Variants in TOP3B observed in about 807,000 individuals in gnomAD.
TOP3B encodes the protein DNA topoisomerase 3-beta-1.
Under a neutral mutation model 93.9 loss-of-function variants are expected in TOP3B, and 45 were observed. The observed-to-expected ratio is 0.48, with a 90% confidence interval of 0.38 to 0.61. TOP3B has a LOEUF of 0.61. TOP3B is among the 20% of genes least tolerant of loss of function. The pLI, the probability that TOP3B is intolerant of heterozygous loss-of-function variation, is 0.00. For synonymous variants in TOP3B, 357 were observed against 472.6 expected, an observed-to-expected ratio of 0.76 and a Z score of 3.17; for missense variants, 750 against 1,156.1, an observed-to-expected ratio of 0.65 and a Z score of 5.09.
intron 16 of TOP3B, 41 bp from the exon 17 acceptor site, chr22:21,958,734 C>T (rs2071037461): frequency 6.4e-7 from 1 of 1,550,440 alleles, no homozygotes; most frequent in African/African-American, 1.4e-5. Context: ...GTCACTGGGG[C>T]CACCGACTTG....
At chr22:21,966,055 C>T (rs999336192) in intron 8 of TOP3B, 1 of 152,126 alleles carries the variant, frequency 6.6e-6, no homozygotes, top group African/African-American at 2.4e-5. Context: ...TCATGTCTGA[C>T]CAATTTTTTT....
At position 21,971,841 on chromosome 22, in the gene TOP3B, G is replaced by GCC; in HGVS notation, c.384+34_384+35dup. The GCC allele has an allele frequency of 6.2e-7, 1 of 1,607,946 alleles. No homozygotes were observed. Among genetic ancestry groups the GCC allele is most frequent in the East Asian group, 2.2e-5 (1 of 44,830 alleles). ...TCAGTTTGGGGCTGGTGTCAGAAAG[G>GCC]CCAAAAGTGAGGAACAAAGTGAGCC... On this transcript the variant is annotated intron_variant, in intron 5 of 17. Transcript: ENST00000357179. The surrounding 1 kb of genome is among the most constrained non-coding windows in gnomAD (Gnocchi z 4.6).
At chr22:21,974,975 C>T (rs2071803307) in intron 2 of TOP3B, 1 of 154,168 alleles carries the variant, frequency 6.5e-6, no homozygotes, top group Non-Finnish European at 1.4e-5. Flanking sequence ...CCCTGCGGAC[C>T]ATGCCTTCTC....
intron 6 of TOP3B, 95 bp from the exon 7 acceptor site, chr22:21,968,870 T>C (rs1406641943): frequency 2.1e-6 from 3 of 1,405,856 alleles, no homozygotes; most frequent in Non-Finnish European, 3.0e-6. Flanking sequence ...GGGTGGTGCA[T>C]GAAGGAGGTG....
At chr22:21,972,556 C>T in intron 4 of TOP3B, 56 bp downstream of exon 4, 2 of 1,338,964 alleles carry the variant, frequency 1.5e-6, no homozygotes, top group Non-Finnish European at 2.1e-6. Context: ...AAAGACATGG[C>T]AGCTGTGGAG....
intron 1 of TOP3B, among the ~76,000 whole-genome samples, chr22:21,981,932 G>C (rs555753340): frequency 1.4e-4 from 21 of 152,282 alleles, no homozygotes; most frequent in African/African-American, 4.3e-4. Context: ...GGAAAAGAGG[G>C]AAACAACCAT....
rs572093445 is a variant in TOP3B at position 21,962,351 on chromosome 22, G to A, written c.1525+78C>T. 109 of 1,604,886 alleles carry A rather than the reference G, an allele frequency of 6.8e-5. 1 individual carries two copies. In the African/African-American group the frequency reaches 1.2e-3, roughly 17 times the overall value. On this transcript the variant is annotated intron_variant, in intron 13 of 17. Transcript: ENST00000357179. ...GCTGGGCTGGGCACACAGGGCTGGC[G>A]GGGCAGCTTTGTGAGTAGACTCGAA...
Position 21,975,845 on chromosome 22 carries a change from T to C in TOP3B, c.-98-38A>G, listed in dbSNP as rs1321431607. ...AAAGACACTCAGGATAGCAATGCTG[T>C]CAATAGAACCTACACCACTACAAGG... On this transcript the variant is annotated intron_variant, in intron 1 of 17. Transcript: ENST00000357179. 4.8e-6 allele frequency: 6 copies of C among 1,260,198 alleles called. No homozygotes were observed. In the African/African-American group the frequency reaches 7.6e-5, roughly 16 times the overall value. The allele number at this position is 1,260,198 out of a possible 1,614,324, so 78.1% of individuals were successfully genotyped here.
chr22:21,979,846 CAGG>C (rs2084583905), intron 1 of TOP3B, among the ~76,000 whole-genome samples: 1 of 144,846 alleles, frequency 6.9e-6, no homozygotes, highest in Admixed American at 7.2e-5. Flanking sequence ...GAGGCTGAGG[CAGG>C]AGAATGGTGT....
chr22:21,958,296 C>G (rs867118), intron 17 of TOP3B, 196 bp downstream of exon 17: 161,585 of 1,428,980 alleles, frequency 0.11, 9,052 homozygotes, highest in African/African-American at 0.14. Flanking sequence ...GATTCTGACA[C>G]AGAGAGAGGG....
chr22:21,959,458 C>A, intron 15 of TOP3B, 129 bp downstream of exon 15: 2 of 1,510,614 alleles, frequency 1.3e-6, no homozygotes, highest in Non-Finnish European at 1.8e-6. Context: ...GTGTCACTGA[C>A]CTGGCCTACG....
At chr22:21,958,306 G>C in intron 17 of TOP3B, 186 bp downstream of exon 17, 1 of 1,442,824 alleles carries the variant, frequency 6.9e-7, no homozygotes, top group Admixed American at 2.6e-5. Flanking sequence ...CAGAGAGAGG[G>C]TGGCACCACT....
intron 8 of TOP3B, chr22:21,967,386 G>T: frequency 1.8e-6 from 1 of 554,874 alleles, no homozygotes. Flanking sequence ...TGCCTGGTAT[G>T]GAGCGGGCAT....
At chr22:21,961,923 C>A in intron 13 of TOP3B, 1 of 265,160 alleles carries the variant, frequency 3.8e-6, no homozygotes, top group Non-Finnish European at 7.0e-6. Flanking sequence ...TACACTTTTG[C>A]TTTGATAAAC....
Position 21,959,664 on chromosome 22 carries a change from G to A in TOP3B, c.1727C>T (p.Ala576Val). ...GTGGCCCAGGACCTGGCGGTAGTCG[G>A]CCTTGCCCTGGGCGATCAGGTTCAG... Reference protein sequence around the residue: ...KQLNLIAQGKADYRQVLGHTL... With the variant: ...KQLNLIAQGKVDYRQVLGHTL... Residue 576 changes from alanine to valine, a missense_variant, in exon 15 of 18, where the codon GCC becomes GTC. Physicochemically the swap from Ala to Val is moderately conservative, Grantham distance 64. Around this residue, in one of 4 missense-constraint regions of TOP3B, gnomAD observed 737 missense variants for 933.7 expected, o/e 0.79. Coordinates refer to ENST00000357179, the MANE Select transcript of TOP3B (RefSeq NM_001282112.2). 1 of 1,613,750 alleles carries A rather than the reference G, an allele frequency of 6.2e-7. No homozygotes were observed. Among genetic ancestry groups the A allele is most frequent in the Non-Finnish European group, 8.5e-7 (1 of 1,179,940 alleles).
chr22:21,958,054 T>C, intron 17 of TOP3B: 1 of 1,294,034 alleles, frequency 7.7e-7, no homozygotes, highest in South Asian at 1.3e-5. Flanking sequence ...GATGCCTCAC[T>C]CCCGCTGATT....
Position 21,960,234 on chromosome 22 carries a change from G to A in TOP3B, c.1654+87C>T, listed in dbSNP as rs1197491723. 6 of 1,583,696 alleles carry A rather than the reference G, an allele frequency of 3.8e-6. No homozygotes were observed. In the East Asian group the frequency reaches 1.1e-4, roughly 30 times the overall value. ...GCTGGGGGATCACTGTAGGGCAGGGGCCTGTCTGGAGCGGGCAGCAGAGCC... is the reference window on the plus strand; with the variant it reads ...GCTGGGGGATCACTGTAGGGCAGGGACCTGTCTGGAGCGGGCAGCAGAGCC... On this transcript the variant is annotated intron_variant, in intron 14 of 17. Coordinates refer to ENST00000357179, the MANE Select transcript of TOP3B (RefSeq NM_001282112.2).
intron 8 of TOP3B, chr22:21,967,015 G>T (rs1265047869): frequency 6.5e-6 from 1 of 153,704 alleles, no homozygotes; most frequent in Non-Finnish European, 1.4e-5. Context: ...GACGGATCTG[G>T]TAGCTGTCAT....
intron 1 of TOP3B, chr22:21,982,126 CCA>C (rs1479729832): frequency 6.6e-6 from 1 of 152,130 alleles, no homozygotes; most frequent in East Asian, 1.9e-4. Flanking sequence ...GCCATCAAGC[CCA>C]AGTTAGGCTG....
Sources: gnomAD v4.1 joint callset for allele counts (sites outside exome capture counted in the v4.1 genomes callset) on GRCh38, gnomAD v4.1.1 for gene constraint, gnomAD v4.1.1 regional missense constraint, Gnocchi (gnomAD v3.1) non-coding constraint, MANE v1.5 for transcripts, NCBI Gene and HGNC (gene_info 2026-07-23, HGNC 2026-07-21) for gene names.